PTK2B: variants seen among roughly 807,000 people sequenced by gnomAD.
PTK2B encodes the protein protein tyrosine kinase 2 beta.
In PTK2B, 71 loss-of-function variants were observed where a neutral mutation model predicts 142.9. That is an observed-to-expected ratio of 0.50 (90% confidence interval 0.41 to 0.61). The LOEUF (loss-of-function observed/expected upper bound fraction) is 0.61. Ranked by LOEUF, PTK2B falls within the 20% of genes least tolerant of loss-of-function variation. PTK2B has a pLI of 0.00. For synonymous variants in PTK2B, 519 were observed against 503.4 expected, an observed-to-expected ratio of 1.03 and a Z score of -0.42; for missense variants, 1,105 against 1,320.4, an observed-to-expected ratio of 0.84 and a Z score of 2.53.
chr8:27,379,435 CCAGGCTGGTCT>C (rs1430998111), intron 1 of PTK2B, among the ~76,000 whole-genome samples: 2 of 152,032 alleles, frequency 1.3e-5, no homozygotes, highest in African/African-American at 4.8e-5. Context: ...TGCCTGTGGC[CCAGGCTGGTCT>C]CAAACTTCTG....
Position 27,363,250 on chromosome 8 carries a change from G to A in PTK2B, c.-37-34298G>A, listed in dbSNP as rs981573890. ...GGGAGAGAGGGGAGCCAGAGAGGAC[G>A]TCTCGTGAGAAGTGTTTGGAGGAAC... On this transcript the variant is annotated intron_variant, in intron 1 of 30. Transcript: ENST00000346049. This position sits in a 1 kb window ranked among gnomAD's most constrained non-coding sequence, Gnocchi z 4.3. Among the ~76,000 whole-genome samples, 6 of 152,232 alleles carry A rather than the reference G, an allele frequency of 3.9e-5. No individual in the cohort carries two copies. Among genetic ancestry groups the A allele is most frequent in the Middle Eastern group, 3.4e-3 (1 of 294 alleles).
chr8:27,311,373 C>A, upstream of PTK2B: 3 of 1,152,054 alleles, frequency 2.6e-6, no homozygotes, highest in Non-Finnish European at 3.5e-6. Context: ...CGGCGCTGGC[C>A]AATCGTGCGG....
rs571942567 is a variant in PTK2B, at chr8:27,366,726, G to A, written c.-37-30822G>A. Among the ~76,000 whole-genome samples the A allele has an allele frequency of 1.3e-5, 2 of 152,286 alleles. 1 individual carries two copies. Among genetic ancestry groups the A allele is most frequent in the Admixed American group, 1.3e-4 (2 of 15,300 alleles). ...AGGAAGTCCCTTTTGAAATTTCTGA[G>A]CACACACAACAGAGGCTAGGAGAGG... On this transcript the variant is annotated intron_variant, in intron 1 of 30. Coordinates refer to ENST00000346049, the MANE Select transcript of PTK2B (RefSeq NM_173176.3).
upstream of PTK2B, among the ~76,000 whole-genome samples, chr8:27,323,899 T>A (rs1302490275): frequency 3.3e-5 from 5 of 152,178 alleles, no homozygotes; most frequent in Non-Finnish European, 5.9e-5. Flanking sequence ...AAGATTGTAG[T>A]TCATTTATGT....
At chr8:27,447,237 A>G (rs191952237) in intron 24 of PTK2B, among the ~76,000 whole-genome samples, 3 of 152,242 alleles carry the variant, frequency 2.0e-5, no homozygotes, top group South Asian at 2.1e-4. Flanking sequence ...AGTAATTGAC[A>G]TAAGGAAAAT....
In PTK2B at chr8:27,434,112, C is replaced by G. The variant is rs998451535; in HGVS notation, c.1125C>G (p.Ser375Arg). 1 of 1,614,016 alleles carries G rather than the reference C, an allele frequency of 6.2e-7. No homozygotes were observed. Among genetic ancestry groups the G allele is most frequent in the African/African-American group, 1.3e-5 (1 of 74,920 alleles). The change falls in exon 12 of 31, where the codon AGC (serine) becomes AGG (arginine). Residue 375 changes from serine to arginine, a missense_variant. Physicochemically the swap from Ser to Arg is moderately radical, Grantham distance 110 (BLOSUM62 -1). Transcript: ENST00000346049. Reference protein sequence around the residue: ...HPRKDGEKRNSLPQIPMLNLE... With the variant: ...HPRKDGEKRNRLPQIPMLNLE... ...TCCTAGATGGTGAGAAGCGGAACAG[C>G]CTGCCCCAGATCCCCATGCTGTGAG...
chr8:27,432,181 G>A lies in PTK2B; in HGVS notation c.886-79G>A, dbSNP rs182314206. The A allele has an allele frequency of 5.9e-5, 75 of 1,267,958 alleles. No individual in the cohort carries two copies. In the African/African-American group the frequency reaches 5.9e-4, roughly 10 times the overall value. The allele number at this position is 1,267,958 out of a possible 1,614,324, so 78.5% of individuals were successfully genotyped here. A position where few individuals can be genotyped will look rare whatever the true frequency, so the allele number is the denominator to read the frequency against. ...GAAACTCCCAGTTCCTCCTCACCCC[G>A]GCTCCCCCATACTGACCAATCTGCA... On this transcript the variant is annotated intron_variant, in intron 9 of 30. Coordinates refer to ENST00000346049, the MANE Select transcript of PTK2B (RefSeq NM_173176.3).
At chr8:27,432,154 G>T (rs1320010071) in intron 9 of PTK2B, 106 bp from the exon 10 acceptor site, 1 of 930,848 alleles carries the variant, frequency 1.1e-6, no homozygotes, top group Non-Finnish European at 1.7e-6. Flanking sequence ...TCATCTCCCA[G>T]AGAAACTCCC....
chr8:27,372,400 A>G (rs1806414300), intron 1 of PTK2B, among the ~76,000 whole-genome samples: 1 of 152,326 alleles, frequency 6.6e-6, no homozygotes, highest in South Asian at 2.1e-4. Context: ...TCTGAAGGCA[A>G]GAAGAAGCTG....
At chr8:27,437,995 A>T (rs528676166) in intron 18 of PTK2B, 115 bp downstream of exon 18, 260 of 919,230 alleles carry the variant, frequency 2.8e-4, no homozygotes, top group Middle Eastern at 2.1e-3. Flanking sequence ...GAATCCCAGC[A>T]ATTGGCCCAG....
intron 1 of PTK2B, among the ~76,000 whole-genome samples, chr8:27,327,081 A>ACAAGAGAAGAGGGGAAAGAACAG (rs1349190958): frequency 2.0e-5 from 3 of 152,134 alleles, no homozygotes; most frequent in Admixed American, 2.0e-4. Context: ...AGAAATTAGC[A>ACAAGAGAAGAGGGGAAAGAACAG]CAAGAGAAGA....
intron 2 of PTK2B, among the ~76,000 whole-genome samples, chr8:27,410,645 G>T (rs928202630): frequency 2.6e-5 from 4 of 152,228 alleles, no homozygotes; most frequent in Non-Finnish European, 5.9e-5. Flanking sequence ...AGACAATAGA[G>T]ATCACTGAAG....
In PTK2B at chr8:27,454,812, G is replaced by A. The variant is rs141996586; in HGVS notation, c.2814+201G>A. 6.5e-4 allele frequency among the ~76,000 whole-genome samples: 99 copies of A among 152,298 alleles called. 2 individuals carry two copies. In the East Asian group the frequency reaches 0.019, roughly 29 times the overall value. ...AGGGACCTGGCCAGAGGCTAGCAGG[G>A]ATTTCCTAGTTCAGGTCTCCAGATG... On this transcript the variant is annotated intron_variant, in intron 30 of 30. Coordinates refer to ENST00000346049, the MANE Select transcript of PTK2B (RefSeq NM_173176.3).
At chr8:27,362,264 C>T (rs78271493) in intron 1 of PTK2B, among the ~76,000 whole-genome samples, 1 of 152,276 alleles carries the variant, frequency 6.6e-6, no homozygotes, top group Non-Finnish European at 1.5e-5. Flanking sequence ...CTCCCCTAGG[C>T]TGACCTGTCC....
chr8:27,357,845 A>G (rs1293572695), intron 1 of PTK2B, among the ~76,000 whole-genome samples: 3 of 152,196 alleles, frequency 2.0e-5, no homozygotes, highest in African/African-American at 7.2e-5. Context: ...TTTACATGCT[A>G]GGGATATGGA....
At chr8:27,410,665 A>G (rs74533208) in intron 2 of PTK2B, among the ~76,000 whole-genome samples, 1,794 of 152,356 alleles carry the variant, frequency 0.012, 36 homozygotes, top group African/African-American at 0.041. Flanking sequence ...GAAAGTTATA[A>G]ATGGATGAGC....
chr8:27,395,529 G>A (rs1015098826), intron 1 of PTK2B, among the ~76,000 whole-genome samples: 5 of 152,064 alleles, frequency 3.3e-5, no homozygotes, highest in African/African-American at 4.8e-5. Flanking sequence ...GTGTCCCCTG[G>A]GCCCTGCCAT....
intron 1 of PTK2B, among the ~76,000 whole-genome samples, chr8:27,391,489 G>C (rs568283307): frequency 6.6e-6 from 1 of 152,302 alleles, no homozygotes; most frequent in East Asian, 1.9e-4. Context: ...AGGCTAAGCT[G>C]TTTACTGAAC....
chr8:27,352,053 G>A (rs1020770858), intron 1 of PTK2B, among the ~76,000 whole-genome samples: 2 of 152,194 alleles, frequency 1.3e-5, no homozygotes, highest in Non-Finnish European at 2.9e-5. Context: ...GACAGCAGCG[G>A]CTCTGCTGTG....
Sources: allele counts gnomAD v4.1 joint callset (sites outside exome capture counted in the v4.1 genomes callset), GRCh38; gene constraint gnomAD v4.1.1; non-coding constraint Gnocchi (gnomAD v3.1); transcripts MANE v1.5; gene names NCBI Gene and HGNC (gene_info 2026-07-23, HGNC 2026-07-21).